Variants in SERPINI2 observed in about 807,000 individuals in gnomAD.
SERPINI2 encodes serpin I2.
In SERPINI2, 48 loss-of-function variants were observed where a neutral mutation model predicts 47.3. The observed-to-expected ratio is 1.02, with a 90% CI of 0.81 to 1.29. The LOEUF is 1.29. Among genes scored for constraint, SERPINI2 ranks in the 50% most tolerant of loss-of-function variants. The pLI, the probability that SERPINI2 is intolerant of heterozygous loss-of-function variation, is 0.00. For synonymous variants in SERPINI2, 135 were observed against 149.3 expected (o/e 0.90, Z 0.70); for missense variants, 448 against 456.9 (o/e 0.98, Z 0.18).
chr3:167,449,468 T>G, intron 6 of SERPINI2, 66 bp from the exon 7 acceptor site: 2 of 802,032 alleles, frequency 2.5e-6, no homozygotes, highest in South Asian at 1.7e-5. Context: ...ACCTATTAGA[T>G]CTCAATTAAT....
At chr3:167,458,510 C>T (rs1429151843) in intron 5 of SERPINI2, among the ~76,000 whole-genome samples, 1 of 151,674 alleles carries the variant, frequency 6.6e-6, no homozygotes, top group Non-Finnish European at 1.5e-5. Context: ...GATCTGCCCA[C>T]CTCGGCCTCC....
intron 2 of SERPINI2, among the ~76,000 whole-genome samples, chr3:167,469,078 T>A (rs1750234603): frequency 6.6e-6 from 1 of 152,174 alleles, no homozygotes; most frequent in Admixed American, 6.5e-5. Context: ...TGTCACTAAG[T>A]AGTACAAGTT....
chr3:167,442,539 TAG>T (rs1177095255), intron 8 of SERPINI2, among the ~76,000 whole-genome samples: 1 of 152,160 alleles, frequency 6.6e-6, no homozygotes. Flanking sequence ...ATGAGCGTGG[TAG>T]AGTTTTAAAT....
intron 5 of SERPINI2, among the ~76,000 whole-genome samples, chr3:167,458,230 T>C (rs1437279433): frequency 1.1e-4 from 17 of 151,356 alleles, no homozygotes; most frequent in Non-Finnish European, 2.9e-5. Context: ...CTGTGTAGTC[T>C]TAGTGAATTT....
At chr3:167,449,505 TA>T (rs199822373) in intron 6 of SERPINI2, 103 bp from the exon 7 acceptor site, 12,348 of 561,610 alleles carry the variant, frequency 0.022, 1,152 homozygotes, top group African/African-American at 0.21. Flanking sequence ...TTTATTTATT[TA>T]TTTTTTGAGA....
chr3:167,475,646 A>G (rs34725626), upstream of SERPINI2, among the ~76,000 whole-genome samples: 14,988 of 151,356 alleles, frequency 0.099, 1,071 homozygotes, highest in East Asian at 0.4. Context: ...ACAATTGTCC[A>G]TAAAATATTA....
At chr3:167,450,163 T>C (rs1447143903) in intron 6 of SERPINI2, among the ~76,000 whole-genome samples, 1 of 152,230 alleles carries the variant, frequency 6.6e-6, no homozygotes, top group African/African-American at 2.4e-5. Flanking sequence ...GTACTTGCCT[T>C]CAAATCTGGG....
At chr3:167,464,769 A>T (rs1750084890) in intron 5 of SERPINI2, among the ~76,000 whole-genome samples, 1 of 152,198 alleles carries the variant, frequency 6.6e-6, no homozygotes, top group South Asian at 2.1e-4. Flanking sequence ...GATTCTGTTT[A>T]TAATTCAATG....
chr3:167,459,276 GT>G (rs1253438055), intron 5 of SERPINI2, among the ~76,000 whole-genome samples: 7 of 151,596 alleles, frequency 4.6e-5, no homozygotes, highest in Non-Finnish European at 4.4e-5. Flanking sequence ...GGGTTTCACC[GT>G]TTTAGCCGGG....
At position 167,465,468 on chromosome 3, in the gene SERPINI2, T is replaced by G; in HGVS notation, c.673+11A>C. ...AAGACTATGCTTAGGAACTGTGGTT[T>G]CTCACATTACCATATTTTGTTCTCA... On this transcript the variant is annotated intron_variant, in intron 4 of 8. Transcript: ENST00000264677. 6.2e-7 allele frequency: 1 copy of G among 1,611,202 alleles called. No individual in the cohort carries two copies. The highest frequency in any genetic ancestry group is 8.5e-7 in the Non-Finnish European group (1 of 1,179,306).
At chr3:167,454,330 C>G (rs1749728371) in intron 5 of SERPINI2, among the ~76,000 whole-genome samples, 1 of 152,200 alleles carries the variant, frequency 6.6e-6, no homozygotes, top group Non-Finnish European at 1.5e-5. Flanking sequence ...AAGATGGTAA[C>G]TCATTCAGAA....
At chr3:167,475,795 C>T (rs1399158299), upstream of SERPINI2, among the ~76,000 whole-genome samples, 3 of 151,262 alleles carry the variant, frequency 2.0e-5, no homozygotes, top group Non-Finnish European at 3.0e-5. Flanking sequence ...CATTACTGTC[C>T]GACTGTAAAG....
chr3:167,473,771 C>T, intron 1 of SERPINI2: 2 of 1,475,522 alleles, frequency 1.4e-6, no homozygotes, highest in Non-Finnish European at 1.8e-6. Flanking sequence ...TATCAGAAAG[C>T]ACAAAGTAAT....
At chr3:167,443,337 G>A (rs557386563) in intron 8 of SERPINI2, among the ~76,000 whole-genome samples, 25 of 152,172 alleles carry the variant, frequency 1.6e-4, no homozygotes, top group Non-Finnish European at 3.5e-4. Context: ...TCGATCTCCT[G>A]ACCTCGTGAT....
intron 6 of SERPINI2, 72 bp downstream of exon 6, chr3:167,452,864 A>G: frequency 1.1e-6 from 1 of 879,460 alleles, no homozygotes; most frequent in East Asian, 2.6e-5. Context: ...TTTCAGTTTT[A>G]AGCTCAGCTA....
At chr3:167,464,810 T>C (rs990170859) in intron 5 of SERPINI2, among the ~76,000 whole-genome samples, 2 of 152,242 alleles carry the variant, frequency 1.3e-5, no homozygotes, top group Admixed American at 6.5e-5. Flanking sequence ...CAAAGTGATA[T>C]AACATATCTT....
intron 5 of SERPINI2, among the ~76,000 whole-genome samples, chr3:167,456,510 C>T (rs71304630): frequency 0.092 from 14,043 of 152,236 alleles, 672 homozygotes; most frequent in Non-Finnish European, 0.11. Flanking sequence ...GTAAGTGTTA[C>T]ATCTTTTGAA....
upstream of SERPINI2, chr3:167,474,208 G>T: frequency 1.3e-6 from 1 of 750,428 alleles, no homozygotes; most frequent in Non-Finnish European, 1.6e-6. Context: ...CTGATGAAAT[G>T]TGCAAGAATT....
chr3:167,457,674 C>A (rs1405081379), intron 5 of SERPINI2, among the ~76,000 whole-genome samples: 1 of 152,176 alleles, frequency 6.6e-6, no homozygotes, highest in Non-Finnish European at 1.5e-5. Context: ...ATGCTTTTTG[C>A]TGCAGTCACA....
Sources: allele counts gnomAD v4.1 joint callset (sites outside exome capture counted in the v4.1 genomes callset), GRCh38; gene constraint gnomAD v4.1.1; transcripts MANE v1.5; gene names NCBI Gene and HGNC (gene_info 2026-07-23, HGNC 2026-07-21).